Variants in MSH6 observed in about 807,000 individuals in gnomAD.
MSH6 encodes mutS homolog 6.
Under a neutral mutation model 119.1 loss-of-function variants are expected in MSH6, and 85 were observed. The observed-to-expected ratio is 0.71, with a 90% CI of 0.60 to 0.85. The LOEUF is 0.85. MSH6 is among the 40% of genes least tolerant of loss of function. MSH6 has a pLI of 0.00. For synonymous variants in MSH6, 830 were observed against 586.9 expected (o/e 1.41, Z -5.99); for missense variants, 2,163 against 1,655.3 (o/e 1.31, Z -5.32).
chr2:47,788,922 G>GTTTTTTTTTTTTTTTTTTTT lies in MSH6; in HGVS notation c.261-1999_261-1980dup, dbSNP rs1558650240. 5.4e-4 allele frequency among the ~76,000 whole-genome samples: 22 copies of GTTTTTTTTTTTTTTTTTTTT among 40,952 alleles called. 2 individuals carry two copies. The highest frequency in any genetic ancestry group is 1.8e-3 in the East Asian group (2 of 1,112). The allele number at this position is 40,952 out of a possible 152,430, so 26.9% of individuals were successfully genotyped here. The stretch of plus-strand genomic sequence containing the variant: ...TTTCTTCTTCCTTTTTTTTTTTTTT[G>GTTTTTTTTTTTTTTTTTTTT]TTTTTTTTTTTTTTTTTTTTTTTTT... On this transcript the variant is annotated intron_variant, in intron 1 of 9. Coordinates refer to ENST00000234420, the MANE Select transcript of MSH6 (RefSeq NM_000179.3).
intron 4 of MSH6, among the ~76,000 whole-genome samples, chr2:47,803,208 G>C (rs577782656): frequency 6.6e-6 from 1 of 152,188 alleles, no homozygotes; most frequent in African/African-American, 2.4e-5. Context: ...GTGAGCCACC[G>C]TGCCTGGCCT....
chr2:47,806,437 T>TTTTTC lies in MSH6; in HGVS notation c.3802-11_3802-7dup. The stretch of plus-strand genomic sequence containing the variant: ...CTTGCTAGCACATGTATCGCTAATA[T>TTTTTC]TTTTCTTTCTTAAGGCATGCATGGT... On this transcript the variant is annotated splice_polypyrimidine_tract_variant and intron_variant, in intron 8 of 9. Transcript: ENST00000234420. The TTTTTC allele has an allele frequency of 6.2e-7, 1 of 1,613,970 alleles. No homozygotes were observed. Among genetic ancestry groups the TTTTTC allele is most frequent in the South Asian group, 1.1e-5 (1 of 91,070 alleles).
intron 1 of MSH6, among the ~76,000 whole-genome samples, chr2:47,789,652 C>T (rs938294721): frequency 2.6e-5 from 4 of 152,114 alleles, no homozygotes; most frequent in Admixed American, 2.0e-4. Context: ...GGTTGCAGGA[C>T]CCCCCTGTGA....
chr2:47,809,536 C>A, downstream of MSH6: 1 of 1,184,490 alleles, frequency 8.4e-7, no homozygotes, highest in Admixed American at 2.0e-5. Flanking sequence ...AGTTATAAAA[C>A]GGCTTCTGAT....
intron 1 of MSH6, among the ~76,000 whole-genome samples, chr2:47,788,938 TTTTTTTTTTGTGAGACGGAGTC>T (rs1668557826): frequency 9.5e-6 from 1 of 104,928 alleles, no homozygotes; most frequent in African/African-American, 3.9e-5. Context: ...TTTTTTTTTT[TTTTTTTTTTGTGAGACGGAGTC>T]TGTCGTCCAG....
In MSH6 at chr2:47,806,855, T is replaced by TTA; in HGVS notation, c.4081_4082dup (p.Ter1361TyrfsTer11). ...TAAATTGCTGACTTTGATTAAGGAATTATAGACTGACTACATTGGAAGCTT... is the reference window on the plus strand; with the variant it reads ...TAAATTGCTGACTTTGATTAAGGAATTATATAGACTGACTACATTGGAAGCTT... On this transcript the variant is annotated frameshift_variant, in exon 10 of 10. Coordinates refer to ENST00000234420, the MANE Select transcript of MSH6 (RefSeq NM_000179.3). LOFTEE classifies it high-confidence loss of function. 1 of 1,609,696 alleles carries TTA rather than the reference T, an allele frequency of 6.2e-7. No homozygotes were observed. The highest frequency in any genetic ancestry group is 8.5e-7 in the Non-Finnish European group (1 of 1,176,574).
rs1668554089 is a variant in MSH6, at chr2:47,788,934, T to TTTTTTTTTTTTTTTTTTTTTTTTTTTTTG, written c.261-1980_261-1979insTTTTTTTTTTTTTTTGTTTTTTTTTTTTT. On this transcript the variant is annotated intron_variant, in intron 1 of 9. Coordinates refer to ENST00000234420, the MANE Select transcript of MSH6 (RefSeq NM_000179.3). ...TTTTTTTTTTTTTGTTTTTTTTTTT[T>TTTTTTTTTTTTTTTTTTTTTTTTTTTTTG]TTTTTTTTTTTTTGTGAGACGGAGT... is the stretch of plus-strand genomic sequence containing the variant. 2.0e-5 allele frequency among the ~76,000 whole-genome samples: 2 copies of TTTTTTTTTTTTTTTTTTTTTTTTTTTTTG among 99,650 alleles called. 1 individual carries two copies. Among genetic ancestry groups the TTTTTTTTTTTTTTTTTTTTTTTTTTTTTG allele is most frequent in the Non-Finnish European group, 3.9e-5 (2 of 50,654 alleles). 65.4% of individuals were successfully genotyped at this position (99,650 alleles called of 152,430 possible).
intron 3 of MSH6, among the ~76,000 whole-genome samples, chr2:47,796,688 T>C (rs191704751): frequency 6.6e-6 from 1 of 152,294 alleles, no homozygotes; most frequent in Admixed American, 6.5e-5. Flanking sequence ...GGGCCAGGTG[T>C]GGTGGTTAAT....
chr2:47,808,424 A>G (rs766647800), downstream of MSH6: 3 of 1,583,464 alleles, frequency 1.9e-6, no homozygotes, highest in Non-Finnish European at 2.6e-6. Context: ...TACAAGTATG[A>G]CATCTAAAAA....
intron 3 of MSH6, chr2:47,798,114 C>T (rs566995556): frequency 9.3e-4 from 168 of 181,522 alleles, no homozygotes; most frequent in South Asian, 1.5e-3. Flanking sequence ...ACCACGTTTG[C>T]AGGAGAACTA....
In MSH6 at chr2:47,799,703, T is replaced by A. The variant is rs769914244; in HGVS notation, c.1720T>A (p.Ser574Thr). Residue 574 changes from serine to threonine, a missense_variant, in exon 4 of 10, where the codon TCA becomes ACA. By Grantham distance (58) the Ser-to-Thr change is moderately conservative. Coordinates refer to ENST00000234420, the MANE Select transcript of MSH6 (RefSeq NM_000179.3). ...GGGAAAGTTTTTCATAGGTCAGTTTTCAGATGATCGCCATTGTTCGAGATT... is the reference window on the plus strand; with the variant it reads ...GGGAAAGTTTTTCATAGGTCAGTTTACAGATGATCGCCATTGTTCGAGATT... ...SLGKFFIGQF[S>T]DDRHCSRFRT... is the part of the protein sequence containing the mutation. The A allele has an allele frequency of 3.1e-6, 5 of 1,614,102 alleles. No homozygotes were observed. Among genetic ancestry groups the A allele is most frequent in the African/African-American group, 2.7e-5 (2 of 74,922 alleles).
At chr2:47,783,925 G>C in intron 1 of MSH6, 15 of 1,027,620 alleles carry the variant, frequency 1.5e-5, no homozygotes, top group Non-Finnish European at 1.6e-5. Flanking sequence ...TGGCGGGAAG[G>C]AGGAATGCCT....
chr2:47,783,280 C>T lies in MSH6; in HGVS notation c.47C>T (p.Ala16Val), dbSNP rs759501511. ...TACAGCTTCTTCCCCAAGTCTCCGG[C>T]GCTGAGTGATGCCAACAAGGCCTCG... Reference protein sequence around the residue: ...TLYSFFPKSPALSDANKASAR... With the variant: ...TLYSFFPKSPVLSDANKASAR... Residue 16 changes from alanine (A) to valine (V), a missense_variant, in exon 1 of 10, where the codon GCG becomes GTG. By Grantham distance (64) the Ala-to-Val change is moderately conservative (BLOSUM62 0). Coordinates refer to ENST00000234420, the MANE Select transcript of MSH6 (RefSeq NM_000179.3). The T allele has an allele frequency of 1.9e-6, 3 of 1,612,088 alleles. No individual in the cohort carries two copies. Among genetic ancestry groups the T allele is most frequent in the Non-Finnish European group, 2.5e-6 (3 of 1,179,602 alleles).
chr2:47,799,689 T>C lies in MSH6; in HGVS notation c.1706T>C (p.Phe569Ser), dbSNP rs1558662672. 1.2e-6 allele frequency: 2 copies of C among 1,614,180 alleles called. No homozygotes were observed. Among genetic ancestry groups the C allele is most frequent in the Non-Finnish European group, 1.7e-6 (2 of 1,180,028 alleles). ...GTTGATACTTCACTGGGAAAGTTTT[T>C]CATAGGTCAGTTTTCAGATGATCGC... Reference protein sequence around the residue: ...CFVDTSLGKFFIGQFSDDRHC... With the variant: ...CFVDTSLGKFSIGQFSDDRHC... Residue 569 changes from phenylalanine (F) to serine (S), a missense_variant, in exon 4 of 10, where the codon TTC (phenylalanine) becomes TCC (serine). By Grantham distance (155) the Phe-to-Ser change is radical. Coordinates refer to ENST00000234420, the MANE Select transcript of MSH6 (RefSeq NM_000179.3).
rs1060502942 is a variant in MSH6, at chr2:47,800,338, T to C, written c.2355T>C (p.His785=). Residue 785 remains histidine (H), a synonymous_variant, in exon 4 of 10, where the codon CAT becomes CAC. Transcript: ENST00000234420. ...GGCTTTGTGCCCCACTCTGTAACCATTATGCTATTAATGATCGTCTAGATG... is the reference window on the plus strand; with the variant it reads ...GGCTTTGTGCCCCACTCTGTAACCACTATGCTATTAATGATCGTCTAGATG... ...KQWLCAPLCN[H]YAINDRLDAI... is the part of the protein sequence containing the mutation. 1 of 1,614,100 alleles carries C rather than the reference T, an allele frequency of 6.2e-7. No homozygotes were observed.
In MSH6 at chr2:47,799,889, A is replaced by G. The variant is rs1669391012; in HGVS notation, c.1906A>G (p.Thr636Ala). ...QFWDASKTLR[T>A]LLEEEYFREK... ...TTGGGATGCATCCAAAACTTTGAGA[A>G]CTCTCCTTGAGGAAGAATATTTTAG... The change falls in exon 4 of 10, where the codon ACT becomes GCT. Residue 636 changes from threonine to alanine, a missense_variant. By Grantham distance (58) the Thr-to-Ala change is moderately conservative. Coordinates refer to ENST00000234420, the MANE Select transcript of MSH6 (RefSeq NM_000179.3). 1 of 1,614,048 alleles carries G rather than the reference A, an allele frequency of 6.2e-7. No individual in the cohort carries two copies. Among genetic ancestry groups the G allele is most frequent in the African/African-American group, 1.3e-5 (1 of 74,988 alleles).
rs864622153 is a variant in MSH6, at chr2:47,799,674, C to A, written c.1691C>A (p.Ser564Ter). Residue 564 changes from serine to a stop codon, truncating the protein, a stop_gained, in exon 4 of 10, where the codon TCA becomes TAA. Transcript: ENST00000234420. LOFTEE classifies it high-confidence loss of function. ...RAYGVCFVDT[S>*]LGKFFIGQFS... is the part of the protein sequence containing the mutation. ...TATGGTGTGTGCTTTGTTGATACTT[C>A]ACTGGGAAAGTTTTTCATAGGTCAG... 1 of 1,614,152 alleles carries A rather than the reference C, an allele frequency of 6.2e-7. No individual in the cohort carries two copies. Among genetic ancestry groups the A allele is most frequent in the Non-Finnish European group, 8.5e-7 (1 of 1,180,028 alleles).
intron 1 of MSH6, among the ~76,000 whole-genome samples, chr2:47,788,932 T>TG (rs1668551474): frequency 3.1e-5 from 3 of 96,044 alleles, no homozygotes; most frequent in African/African-American, 4.8e-5. Flanking sequence ...GTTTTTTTTT[T>TG]TTTTTTTTTT....
At chr2:47,808,076 T>C (rs1558398902), downstream of MSH6, 2 of 1,539,704 alleles carry the variant, frequency 1.3e-6, no homozygotes, top group African/African-American at 2.7e-5. Context: ...TGTTTTAAGT[T>C]ATGATGTTAC....
Sources: allele counts gnomAD v4.1 joint callset (sites outside exome capture counted in the v4.1 genomes callset), GRCh38; gene constraint gnomAD v4.1.1; transcripts MANE v1.5; gene names NCBI Gene and HGNC (gene_info 2026-07-23, HGNC 2026-07-21).